NR5A2: variants seen among roughly 807,000 people sequenced by gnomAD.
NR5A2 encodes CYP7A promoter-binding factor.
NR5A2 carries 26 observed loss-of-function variants against 62.7 expected under a neutral mutation model. The ratio of observed to expected loss-of-function variants is 0.41; its 90% CI spans 0.30 to 0.58. The LOEUF (loss-of-function observed/expected upper bound fraction) is 0.58. NR5A2 is among the 20% of genes least tolerant of loss of function. The probability of loss-of-function intolerance (pLI) is 0.22; values close to 1 mark genes in which losing one functional copy is unlikely to be tolerated. For synonymous variants in NR5A2, 246 were observed against 241.7 expected, an observed-to-expected ratio of 1.02 and a Z score of -0.16; for missense variants, 541 against 669.1, an observed-to-expected ratio of 0.81 and a Z score of 2.11.
chr1:200,166,512 C>T (rs1028908798), intron 7 of NR5A2, among the ~76,000 whole-genome samples: 7 of 152,284 alleles, frequency 4.6e-5, no homozygotes, highest in African/African-American at 9.6e-5. Context: ...ACCATTCATT[C>T]GCATATCATG....
chr1:200,146,067 GAAATA>G (rs1208399108), intron 7 of NR5A2, among the ~76,000 whole-genome samples: 1 of 152,048 alleles, frequency 6.6e-6, no homozygotes, highest in African/African-American at 2.4e-5. Context: ...AAATGTAAAT[GAAATA>G]AAATTATAGG....
At chr1:200,133,558 C>T (rs544972656) in intron 7 of NR5A2, among the ~76,000 whole-genome samples, 12 of 103,104 alleles carry the variant, frequency 1.2e-4, no homozygotes, top group South Asian at 3.0e-4. Flanking sequence ...CACATATATA[C>T]ACACATATAT....
chr1:200,061,814 T>A (rs1663233847), intron 5 of NR5A2, among the ~76,000 whole-genome samples: 1 of 152,326 alleles, frequency 6.6e-6, no homozygotes, highest in South Asian at 2.1e-4. Context: ...TGTTCGTTAT[T>A]AAATTCTATA....
chr1:200,166,680 G>A (rs147903730), intron 7 of NR5A2, among the ~76,000 whole-genome samples: 450 of 152,246 alleles, frequency 3.0e-3, no homozygotes, highest in African/African-American at 0.01. Flanking sequence ...TGCTCCGCCC[G>A]AGGGAAGTCT....
intron 6 of NR5A2, among the ~76,000 whole-genome samples, chr1:200,112,529 C>T (rs1558146458): frequency 6.6e-6 from 1 of 152,186 alleles, no homozygotes; most frequent in Non-Finnish European, 1.5e-5. Context: ...AAATGAAGGG[C>T]TGTCTCCACA....
intron 5 of NR5A2, among the ~76,000 whole-genome samples, chr1:200,076,631 T>C (rs887800196): frequency 1.3e-5 from 2 of 152,218 alleles, no homozygotes; most frequent in African/African-American, 4.8e-5. Context: ...GTAAATACCT[T>C]ACTTGATTTG....
intron 5 of NR5A2, among the ~76,000 whole-genome samples, chr1:200,053,569 GCACACACACACACACACACACA>G (rs34611924): frequency 7.0e-6 from 1 of 141,994 alleles, no homozygotes; most frequent in Non-Finnish European, 1.5e-5. Context: ...GCATGCACAC[GCACACACACACACACACACACA>G]CACACACACA....
rs74838849 is a variant in NR5A2 at position 200,092,831 on chromosome 1, A to T, written c.1111-18371A>T. ...ACATTTATCTGAATACAGGCAGATG[A>T]CTTGCTTTAAAGTGTAACATTGATA... On this transcript the variant is annotated intron_variant, in intron 5 of 7. Coordinates refer to ENST00000367362, the MANE Select transcript of NR5A2 (RefSeq NM_205860.3). Among the ~76,000 whole-genome samples the T allele has an allele frequency of 5.1e-3, 755 of 148,264 alleles. 8 individuals are homozygous for T. The highest frequency in any genetic ancestry group is 0.018 in the African/African-American group (721 of 40,264).
chr1:200,062,788 C>T (rs1050643601), intron 5 of NR5A2, among the ~76,000 whole-genome samples: 4 of 152,268 alleles, frequency 2.6e-5, no homozygotes, highest in Middle Eastern at 3.4e-3. Context: ...CTGCTAAAAA[C>T]TCAGAGGCTT....
At chr1:200,096,378 G>A (rs923233968) in intron 5 of NR5A2, among the ~76,000 whole-genome samples, 1 of 152,164 alleles carries the variant, frequency 6.6e-6, no homozygotes, top group Non-Finnish European at 1.5e-5. Context: ...GTGAGCCACT[G>A]TGCCTGGCCT....
intron 1 of NR5A2, among the ~76,000 whole-genome samples, chr1:200,032,795 C>T (rs1316056336): frequency 6.6e-6 from 1 of 152,146 alleles, no homozygotes; most frequent in Non-Finnish European, 1.5e-5. Context: ...ATTTACTCAG[C>T]TTGTCAAGAG....
intron 5 of NR5A2, among the ~76,000 whole-genome samples, chr1:200,103,809 A>G (rs1472177580): frequency 6.6e-6 from 1 of 152,194 alleles, no homozygotes; most frequent in Non-Finnish European, 1.5e-5. Context: ...AGATTTTCGA[A>G]GAGAAGTCTA....
At chr1:200,080,750 A>G (rs1664255756) in intron 5 of NR5A2, among the ~76,000 whole-genome samples, 1 of 152,222 alleles carries the variant, frequency 6.6e-6, no homozygotes, top group Non-Finnish European at 1.5e-5. Flanking sequence ...TAACTACAAG[A>G]AGTTAATATT....
At chr1:200,083,832 G>A (rs1172538283) in intron 5 of NR5A2, among the ~76,000 whole-genome samples, 1 of 152,030 alleles carries the variant, frequency 6.6e-6, no homozygotes, top group Admixed American at 6.6e-5. Context: ...GGGCATGGTG[G>A]CTCATGCCTG....
chr1:200,081,766 C>CT (rs1558126556), intron 5 of NR5A2, among the ~76,000 whole-genome samples: 1 of 132,342 alleles, frequency 7.6e-6, no homozygotes, highest in African/African-American at 3.0e-5. Flanking sequence ...ACATAGTCTA[C>CT]CTTTTTTTTT....
intron 1 of NR5A2, among the ~76,000 whole-genome samples, chr1:200,035,915 C>G (rs1385528844): frequency 3.3e-5 from 5 of 152,138 alleles, no homozygotes; most frequent in African/African-American, 1.2e-4. Context: ...GCAGAGCTGT[C>G]CCCCGGTCTC....
chr1:200,115,020 A>G (rs1466775705), intron 6 of NR5A2, among the ~76,000 whole-genome samples: 1 of 143,850 alleles, frequency 7.0e-6, no homozygotes, highest in African/African-American at 2.5e-5. Flanking sequence ...TTTTTTATTG[A>G]GACTAAATGG....
At chr1:200,149,997 G>T (rs1319882936) in intron 7 of NR5A2, among the ~76,000 whole-genome samples, 1 of 152,092 alleles carries the variant, frequency 6.6e-6, no homozygotes, top group Non-Finnish European at 1.5e-5. Context: ...CTTATGTAAA[G>T]CGTATAACTC....
intron 6 of NR5A2, among the ~76,000 whole-genome samples, chr1:200,112,019 A>G (rs57997733): frequency 0.021 from 3,189 of 152,180 alleles, 101 homozygotes; most frequent in African/African-American, 0.067. Context: ...CTGACATTAA[A>G]CAATAATCCT....
Sources: gnomAD v4.1 joint callset for allele counts (sites outside exome capture counted in the v4.1 genomes callset) on GRCh38, gnomAD v4.1.1 for gene constraint, MANE v1.5 for transcripts, NCBI Gene and HGNC (gene_info 2026-07-23, HGNC 2026-07-21) for gene names.